Variants in RGS6 observed in about 807,000 individuals in gnomAD.
The protein encoded by RGS6 is regulator of G-protein signaling 6.
A neutral mutation model predicts 78.5 loss-of-function variants in RGS6; 30 were observed. The ratio of observed to expected loss-of-function variants is 0.38; its 90% confidence interval spans 0.29 to 0.52. The LOEUF (loss-of-function observed/expected upper bound fraction) is 0.52, where lower values mean the gene tolerates loss of function less well. Among genes scored for constraint, RGS6 ranks in the 20% least tolerant of loss-of-function variants. The pLI is 0.85. For missense variants in RGS6, 495 were observed against 609.7 expected (o/e 0.81, Z 1.98); for synonymous variants, 206 against 206.0 (o/e 1.00, Z 0.00).
chr14:72,271,218 G>A (rs1447297415), intron 2 of RGS6, among the ~76,000 whole-genome samples: 1 of 152,176 alleles, frequency 6.6e-6, no homozygotes, highest in African/African-American at 2.4e-5. Context: ...AAGGAAAGAG[G>A]TTTAATGGAC....
chr14:72,320,834 A>G (rs1400579778), intron 2 of RGS6, among the ~76,000 whole-genome samples: 1 of 150,770 alleles, frequency 6.6e-6, no homozygotes, highest in Non-Finnish European at 1.5e-5. Context: ...TCATTTAAAC[A>G]TGATAAATCA....
intron 1 of RGS6, among the ~76,000 whole-genome samples, chr14:71,941,575 A>T (rs1037410681): frequency 1.3e-5 from 2 of 152,240 alleles, no homozygotes; most frequent in African/African-American, 4.8e-5. Context: ...AAGGACAGCC[A>T]GTCCAAGTCC....
intron 13 of RGS6, among the ~76,000 whole-genome samples, chr14:72,505,653 AG>A (rs1337183127): frequency 6.6e-6 from 1 of 152,236 alleles, no homozygotes; most frequent in African/African-American, 2.4e-5. Flanking sequence ...AAAAAAGAAT[AG>A]GCTTTGGAGA....
At chr14:72,390,090 C>CG (rs1555368482) in intron 3 of RGS6, among the ~76,000 whole-genome samples, 1 of 117,408 alleles carries the variant, frequency 8.5e-6, no homozygotes, top group Non-Finnish European at 1.7e-5. Flanking sequence ...AGCTATAGTT[C>CG]TTTTTTTTTT....
intron 1 of RGS6, among the ~76,000 whole-genome samples, chr14:71,954,189 T>A: frequency 6.6e-6 from 1 of 151,898 alleles, no homozygotes; most frequent in Non-Finnish European, 1.5e-5. Flanking sequence ...TTTACTGACT[T>A]TTCTGGATCT....
chr14:72,285,751 T>G (rs1205805477), intron 2 of RGS6, among the ~76,000 whole-genome samples: 2 of 152,242 alleles, frequency 1.3e-5, no homozygotes, highest in Non-Finnish European at 2.9e-5. Context: ...GATGTGCATT[T>G]CTCTCATGAT....
At chr14:72,453,573 G>C (rs1271489265) in intron 3 of RGS6, among the ~76,000 whole-genome samples, 3 of 119,702 alleles carry the variant, frequency 2.5e-5, no homozygotes, top group Non-Finnish European at 4.8e-5. Flanking sequence ...CCGAGATCCC[G>C]CCACTGCACT....
chr14:72,074,544 T>C (rs2094512360), intron 2 of RGS6, among the ~76,000 whole-genome samples: 1 of 152,222 alleles, frequency 6.6e-6, no homozygotes. Flanking sequence ...TATAATAATT[T>C]CACACATACC....
In RGS6 at chr14:72,324,193, C is replaced by G. The variant is rs140869675; in HGVS notation, c.85-27902C>G. ...CTCTATGTAAGTGTCTAGAAATAGA[C>G]CAAACTACATATGACAAATTTTTTA... On this transcript the variant is annotated intron_variant, in intron 2 of 17. Coordinates refer to ENST00000553525, the MANE Select transcript of RGS6 (RefSeq NM_001204424.2). 2.7e-3 allele frequency among the ~76,000 whole-genome samples: 414 copies of G among 151,828 alleles called. 1 individual carries two copies. The highest frequency in any genetic ancestry group is 9.3e-3 in the African/African-American group (387 of 41,398).
At chr14:72,424,301 C>T (rs2094338689) in intron 3 of RGS6, among the ~76,000 whole-genome samples, 2 of 152,134 alleles carry the variant, frequency 1.3e-5, no homozygotes, top group Admixed American at 6.5e-5. Flanking sequence ...GGTAAGTTTT[C>T]TGGAAACTTG....
At chr14:72,304,070 C>T (rs929918632) in intron 2 of RGS6, among the ~76,000 whole-genome samples, 1 of 152,230 alleles carries the variant, frequency 6.6e-6, no homozygotes, top group Non-Finnish European at 1.5e-5. Flanking sequence ...ACATTAGTCA[C>T]ATCCTCCTGT....
chr14:72,477,905 G>A (rs1446389902), intron 11 of RGS6, among the ~76,000 whole-genome samples: 1 of 152,206 alleles, frequency 6.6e-6, no homozygotes, highest in Non-Finnish European at 1.5e-5. Context: ...TGAAAGGTGG[G>A]CAGAGGAGGG....
intron 2 of RGS6, among the ~76,000 whole-genome samples, chr14:72,278,008 C>T (rs778229171): frequency 1.8e-4 from 28 of 152,124 alleles, no homozygotes; most frequent in Non-Finnish European, 3.7e-4. Flanking sequence ...GGCCCAAGTA[C>T]TTATTTAGCC....
chr14:72,345,803 A>C (rs527800883), intron 2 of RGS6, among the ~76,000 whole-genome samples: 2 of 152,270 alleles, frequency 1.3e-5, no homozygotes, highest in Non-Finnish European at 2.9e-5. Flanking sequence ...CAGTACGTAC[A>C]CACAAATACA....
At chr14:72,326,110 A>G (rs576156564) in intron 2 of RGS6, among the ~76,000 whole-genome samples, 20 of 152,346 alleles carry the variant, frequency 1.3e-4, no homozygotes, top group African/African-American at 4.8e-4. Context: ...GTACATGAAT[A>G]TGCTTTGTCA....
At chr14:72,111,560 A>G (rs1350514967) in intron 2 of RGS6, among the ~76,000 whole-genome samples, 1 of 152,220 alleles carries the variant, frequency 6.6e-6, no homozygotes, top group African/African-American at 2.4e-5. Flanking sequence ...GCTTTGAACA[A>G]CAAAGCCACA....
At chr14:72,316,986 C>G (rs914901742) in intron 2 of RGS6, among the ~76,000 whole-genome samples, 2 of 151,192 alleles carry the variant, frequency 1.3e-5, no homozygotes, top group African/African-American at 4.9e-5. Context: ...GAGAATGCAA[C>G]TCTATTAAGA....
At chr14:71,953,582 A>G (rs1238481953) in intron 1 of RGS6, among the ~76,000 whole-genome samples, 1 of 152,142 alleles carries the variant, frequency 6.6e-6, no homozygotes, top group East Asian at 1.9e-4. Context: ...GCCCAAGTTT[A>G]CCAACCTTTG....
chr14:72,599,902 G>T, the RGS6 span, among the ~76,000 whole-genome samples: 1 of 152,066 alleles, frequency 6.6e-6, no homozygotes, highest in Non-Finnish European at 1.5e-5. Context: ...GGAAAATTCT[G>T]GCAGAAGCCT....
Sources: gnomAD v4.1 joint callset for allele counts (sites outside exome capture counted in the v4.1 genomes callset) on GRCh38, gnomAD v4.1.1 for gene constraint, MANE v1.5 for transcripts, NCBI Gene and HGNC (gene_info 2026-07-23, HGNC 2026-07-21) for gene names.